The following GPR158 variants were observed in gnomAD, a reference collection of about 807,000 sequenced individuals.
GPR158 encodes the protein metabotropic glycine receptor.
In GPR158, 30 loss-of-function variants were observed where a neutral mutation model predicts 78.2. The ratio of observed to expected loss-of-function variants is 0.38; its 90% CI spans 0.29 to 0.52. GPR158 has a LOEUF of 0.52. GPR158 is among the 20% of genes least tolerant of loss of function. The pLI is 0.83. For missense variants in GPR158, 1,463 were observed against 1,523.5 expected (o/e 0.96, Z 0.66); for synonymous variants, 581 against 591.1 (o/e 0.98, Z 0.25).
chr10:25,436,826 A>C (rs1020658179), intron 4 of GPR158, among the ~76,000 whole-genome samples: 1 of 152,240 alleles, frequency 6.6e-6, no homozygotes, highest in Admixed American at 6.5e-5. Context: ...GACAGTTAAA[A>C]ACACAAAAAA....
In GPR158 at chr10:25,185,197, C is replaced by T. The variant is rs560803294; in HGVS notation, c.902+8875C>T. On this transcript the variant is annotated intron_variant, in intron 1 of 10. Transcript: ENST00000376351. ...TATAAAATGCTACTCTGGGACTATC[C>T]CTATTTCAAGGGTTCTGTATGTATG... is the stretch of plus-strand genomic sequence containing the variant. Among the ~76,000 whole-genome samples the T allele has an allele frequency of 2.0e-5, 3 of 152,176 alleles. No homozygotes were observed. The East Asian group carries it at 5.8e-4, about 29-fold the overall frequency.
chr10:25,239,629 A>AC (rs1853576753), intron 2 of GPR158, among the ~76,000 whole-genome samples: 1 of 150,730 alleles, frequency 6.6e-6, no homozygotes, highest in Non-Finnish European at 1.5e-5. Flanking sequence ...AAAAGTTATC[A>AC]CCAAGTTTTC....
At chr10:25,247,971 G>A (rs1294703104) in intron 2 of GPR158, among the ~76,000 whole-genome samples, 6 of 150,728 alleles carry the variant, frequency 4.0e-5, no homozygotes, top group Non-Finnish European at 8.9e-5. Context: ...ATCCTCTCCA[G>A]CACCTGTTGT....
At chr10:25,178,079 C>T (rs185811289) in intron 1 of GPR158, among the ~76,000 whole-genome samples, 4 of 152,288 alleles carry the variant, frequency 2.6e-5, no homozygotes, top group African/African-American at 4.8e-5. Context: ...ATCTAACATT[C>T]GCTTTATGTC....
intron 4 of GPR158, among the ~76,000 whole-genome samples, chr10:25,444,973 A>T (rs1419929631): frequency 6.6e-6 from 1 of 152,168 alleles, no homozygotes; most frequent in East Asian, 1.9e-4. Flanking sequence ...TCATGTAGTT[A>T]TATGAGGACT....
chr10:25,376,349 T>C (rs1052701482), intron 2 of GPR158, among the ~76,000 whole-genome samples: 3 of 151,664 alleles, frequency 2.0e-5, no homozygotes, highest in African/African-American at 7.2e-5. Context: ...ACATTTTAAA[T>C]TATAGGGTTT....
chr10:25,479,600 A>G (rs780871874), intron 5 of GPR158, among the ~76,000 whole-genome samples: 2 of 152,046 alleles, frequency 1.3e-5, no homozygotes, highest in Non-Finnish European at 2.9e-5. Flanking sequence ...TTTTTAATAG[A>G]GATGAGGTTT....
chr10:25,592,646 C>G (rs1837356741), intron 8 of GPR158, among the ~76,000 whole-genome samples: 1 of 151,890 alleles, frequency 6.6e-6, no homozygotes, highest in African/African-American at 2.4e-5. Flanking sequence ...TAAAGTTTCA[C>G]TATTTTAAAT....
intron 2 of GPR158, among the ~76,000 whole-genome samples, chr10:25,333,396 C>T (rs1399172594): frequency 6.6e-6 from 1 of 152,072 alleles, no homozygotes; most frequent in Non-Finnish European, 1.5e-5. Context: ...CCCAGTGGTT[C>T]TTAAATATAA....
intron 5 of GPR158, among the ~76,000 whole-genome samples, chr10:25,505,766 G>A (rs1341612387): frequency 6.6e-6 from 1 of 152,022 alleles, no homozygotes; most frequent in African/African-American, 2.4e-5. Context: ...ACGCCTTCAT[G>A]CTCTTGTATG....
chr10:25,413,650 A>T (rs981290835), intron 4 of GPR158, among the ~76,000 whole-genome samples: 4 of 152,150 alleles, frequency 2.6e-5, no homozygotes, highest in South Asian at 2.1e-4. Flanking sequence ...ATTAGAAATT[A>T]AAAAAAATAC....
At position 25,294,700 on chromosome 10, in the gene GPR158, A is replaced by G. The variant is rs1474008508; in HGVS notation, c.1008+73543A>G. On this transcript the variant is annotated intron_variant, in intron 2 of 10. Transcript: ENST00000376351. Reference sequence around the variant, plus strand: ...TAAAGTGTCAATGATTTGTGCAGTTAAAGAGATACTGCTCTAGCAAGTGTT... The same window carrying G: ...TAAAGTGTCAATGATTTGTGCAGTTGAAGAGATACTGCTCTAGCAAGTGTT... Among the ~76,000 whole-genome samples the G allele has an allele frequency of 7.2e-5, 11 of 152,316 alleles. No individual in the cohort carries two copies. The East Asian group carries it at 2.1e-3, about 29-fold the overall frequency.
chr10:25,427,001 G>A (rs1834833819), intron 4 of GPR158, among the ~76,000 whole-genome samples: 1 of 146,266 alleles, frequency 6.8e-6, no homozygotes, highest in Admixed American at 6.9e-5. Flanking sequence ...ATATTTTTTT[G>A]CTATACATCT....
intron 2 of GPR158, chr10:25,393,679 T>G (rs1479626462): frequency 6.6e-6 from 1 of 152,114 alleles, no homozygotes; most frequent in Non-Finnish European, 1.5e-5. Context: ...ATGGTTCTCC[T>G]CTATTTGGGA....
chr10:25,579,443 A>G (rs903798844), intron 7 of GPR158, among the ~76,000 whole-genome samples: 2 of 152,174 alleles, frequency 1.3e-5, no homozygotes, highest in African/African-American at 4.8e-5. Flanking sequence ...CCCAAATTTA[A>G]AATACATTTA....
At chr10:25,579,171 T>C (rs1837151405) in intron 7 of GPR158, among the ~76,000 whole-genome samples, 1 of 151,446 alleles carries the variant, frequency 6.6e-6, no homozygotes, top group Non-Finnish European at 1.5e-5. Context: ...TTTTTCTAAA[T>C]CCTCCTACCC....
chr10:25,299,090 G>T (rs1854555388), intron 2 of GPR158, among the ~76,000 whole-genome samples: 1 of 152,142 alleles, frequency 6.6e-6, no homozygotes, highest in African/African-American at 2.4e-5. Context: ...TCTGCACTTA[G>T]AATAGTTTGA....
chr10:25,365,928 A>T (rs1855715875), intron 2 of GPR158, among the ~76,000 whole-genome samples: 1 of 151,716 alleles, frequency 6.6e-6, no homozygotes, highest in Admixed American at 6.6e-5. Context: ...GGTTTTTAAC[A>T]CTGTATATTA....
intron 2 of GPR158, among the ~76,000 whole-genome samples, chr10:25,367,791 T>C (rs71495447): frequency 0.047 from 7,178 of 151,876 alleles, 475 homozygotes; most frequent in African/African-American, 0.14. Context: ...TTTTAAACTC[T>C]GGTAATGGTT....
Sources: allele counts gnomAD v4.1 joint callset (sites outside exome capture counted in the v4.1 genomes callset), GRCh38; gene constraint gnomAD v4.1.1; transcripts MANE v1.5; gene names NCBI Gene and HGNC (gene_info 2026-07-23, HGNC 2026-07-21).